CELF2: variants seen among roughly 807,000 people sequenced by gnomAD.
The protein encoded by CELF2 is CUGBP Elav-like family member 2.
In CELF2, 8 loss-of-function variants were observed where a neutral mutation model predicts 62.6. The ratio of observed to expected loss-of-function variants is 0.13; its 90% CI spans 0.07 to 0.23. The LOEUF is 0.23. Among genes scored for constraint, CELF2 ranks in the 10% least tolerant of loss-of-function variants. The probability of loss-of-function intolerance (pLI) is 1.00; values close to 1 mark genes in which losing one functional copy is unlikely to be tolerated. For missense variants in CELF2, 333 were observed against 671.0 expected, an observed-to-expected ratio of 0.50 and a Z score of 5.56; for synonymous variants, 258 against 250.0, an observed-to-expected ratio of 1.03 and a Z score of -0.30.
chr10:10,557,830 CTGTT>C, the CELF2 span, among the ~76,000 whole-genome samples: 1 of 138,396 alleles, frequency 7.2e-6, no homozygotes, highest in African/African-American at 2.6e-5. Flanking sequence ...ATTTGGCTCT[CTGTT>C]TGTCTGTTGT....
chr10:11,293,065 C>T (rs1022036653), intron 9 of CELF2, among the ~76,000 whole-genome samples: 1 of 152,198 alleles, frequency 6.6e-6, no homozygotes, highest in African/African-American at 2.4e-5. Flanking sequence ...CCACCTGGAC[C>T]ACCTCCGCCC....
chr10:11,211,135 T>G lies in CELF2; in HGVS notation c.272-6290T>G, dbSNP rs1335765821. Among the ~76,000 whole-genome samples, 2 of 152,276 alleles carry G rather than the reference T, an allele frequency of 1.3e-5. No individual in the cohort carries two copies. Among genetic ancestry groups the G allele is most frequent in the Middle Eastern group, 3.4e-3 (1 of 294 alleles). ...CTACTAAATAATTTAAAAATTAGCC[T>G]GGTGTAGTGGCACATGCCTGCAGTC... On this transcript the variant is annotated intron_variant, in intron 2 of 12. Transcript: ENST00000633077. The surrounding 1 kb of genome is among the most constrained non-coding windows in gnomAD (Gnocchi z 4.8).
chr10:10,832,666 G>A (rs942340055), intron 1 of CELF2, among the ~76,000 whole-genome samples: 34 of 152,126 alleles, frequency 2.2e-4, no homozygotes, highest in South Asian at 2.1e-4. Context: ...GATTCAGGGC[G>A]GAAATCCCAT....
At chr10:10,522,686 C>T in the CELF2 span, among the ~76,000 whole-genome samples, 7 of 152,314 alleles carry the variant, frequency 4.6e-5, no homozygotes, top group East Asian at 3.9e-4. Context: ...CCTCCTGCCT[C>T]AACCTCCTGA....
intron 3 of CELF2, among the ~76,000 whole-genome samples, chr10:11,218,237 G>A (rs2063837427): frequency 6.6e-6 from 1 of 152,188 alleles, no homozygotes; most frequent in African/African-American, 2.4e-5. Flanking sequence ...AAATATCAGT[G>A]ATGAGTTCAT....
Position 11,318,839 on chromosome 10 carries a change from G to A in CELF2, c.1097-2350G>A. The A allele has an allele frequency of 2.1e-6, 1 of 471,258 alleles. No individual in the cohort carries two copies. The highest frequency in any genetic ancestry group is 4.4e-6 in the Non-Finnish European group (1 of 227,072). The allele number at this position is 471,258 out of a possible 1,614,324, so 29.2% of individuals were successfully genotyped here. A position where few individuals can be genotyped will look rare whatever the true frequency, so the allele number is the denominator to read the frequency against. ...ATGCCACCTGTGTATCTGGCACTCT[G>A]GAGAAGCCGAGTCGTGGAGGCTGCA... On this transcript the variant is annotated intron_variant, in intron 10 of 12. Transcript: ENST00000633077. The surrounding 1 kb of genome is among the most constrained non-coding windows in gnomAD (Gnocchi z 5.4).
intron 1 of CELF2, among the ~76,000 whole-genome samples, chr10:11,148,168 A>G (rs1268645186): frequency 6.6e-6 from 1 of 152,218 alleles, no homozygotes; most frequent in East Asian, 1.9e-4. Flanking sequence ...CTTGTATTAC[A>G]GTTGAGAGAG....
At chr10:10,547,043 G>T in the CELF2 span, among the ~76,000 whole-genome samples, 1 of 152,078 alleles carries the variant, frequency 6.6e-6, no homozygotes, top group Non-Finnish European at 1.5e-5. Context: ...GGAGGCGGAG[G>T]TTGCAGTGAG....
At chr10:10,786,464 C>T in the CELF2 span, among the ~76,000 whole-genome samples, 1 of 139,060 alleles carries the variant, frequency 7.2e-6, no homozygotes. Context: ...TGCGTCACAC[C>T]TTGTGATCCA....
At chr10:10,568,616 A>G in the CELF2 span, among the ~76,000 whole-genome samples, 1 of 152,202 alleles carries the variant, frequency 6.6e-6, no homozygotes, top group South Asian at 2.1e-4. Flanking sequence ...CAATACTGGT[A>G]CCTTTCTTGG....
chr10:11,051,286 CT>C (rs1188853496), intron 1 of CELF2, among the ~76,000 whole-genome samples: 2 of 152,156 alleles, frequency 1.3e-5, no homozygotes, highest in Admixed American at 6.5e-5. Flanking sequence ...TTGAAAACAT[CT>C]TTTACTGCAT....
chr10:10,877,801 T>C (rs2061203186), intron 1 of CELF2, among the ~76,000 whole-genome samples: 1 of 152,226 alleles, frequency 6.6e-6, no homozygotes, highest in African/African-American at 2.4e-5. Context: ...CCTTCTTTGC[T>C]TCCTTTCTTC....
intron 1 of CELF2, among the ~76,000 whole-genome samples, chr10:11,055,523 C>T (rs1183026667): frequency 1.3e-5 from 2 of 152,226 alleles, no homozygotes; most frequent in African/African-American, 2.4e-5. Context: ...AGAATCTTTC[C>T]TCATCCCTGT....
At position 11,165,402 on chromosome 10, in the gene CELF2, C is replaced by A; in HGVS notation, c.75-84C>A. 6.5e-7 allele frequency: 1 copy of A among 1,531,472 alleles called. No homozygotes were observed. The highest frequency in any genetic ancestry group is 8.8e-7 in the Non-Finnish European group (1 of 1,139,098). The allele number at this position is 1,531,472 out of a possible 1,614,324, so 94.9% of individuals were successfully genotyped here. ...GCTCTTCTTCCTCCTCCTTCCGCCTCCCCGCTCCCCCACCCCCACTATTTT... is the reference window on the plus strand; with the variant it reads ...GCTCTTCTTCCTCCTCCTTCCGCCTACCCGCTCCCCCACCCCCACTATTTT... On this transcript the variant is annotated intron_variant, in intron 1 of 12. Transcript: ENST00000633077. This position sits in a 1 kb window ranked among gnomAD's most constrained non-coding sequence, Gnocchi z 7.4.
chr10:11,070,103 A>G (rs1262108019), intron 1 of CELF2, among the ~76,000 whole-genome samples: 4 of 150,630 alleles, frequency 2.7e-5, no homozygotes, highest in African/African-American at 9.9e-5. Context: ...TCTCTAAATC[A>G]TTCTTTAAAT....
At position 10,972,403 on chromosome 10, in the gene CELF2, G is replaced by C. The variant is rs945858410; in HGVS notation, c.89+52404G>C. On this transcript the variant is annotated intron_variant, in intron 2 of 13. Transcript: ENST00000636488. The surrounding 1 kb of genome is among the most constrained non-coding windows in gnomAD (Gnocchi z 4.4). ...TATTTAAAACTAGGAATATCCTCTG[G>C]GTATTCCCTCTGGGAAATGCTGCTC... Among the ~76,000 whole-genome samples, 1 of 152,060 alleles carries C rather than the reference G, an allele frequency of 6.6e-6. No individual in the cohort carries two copies. The highest frequency in any genetic ancestry group is 2.4e-5 in the African/African-American group (1 of 41,390).
chr10:11,121,480 T>C (rs538559528), intron 1 of CELF2, among the ~76,000 whole-genome samples: 1 of 152,316 alleles, frequency 6.6e-6, no homozygotes, highest in African/African-American at 2.4e-5. Context: ...CTTTGGTTTC[T>C]TCTCATCTTC....
At chr10:11,090,688 A>T (rs1291689741) in intron 1 of CELF2, among the ~76,000 whole-genome samples, 1 of 152,260 alleles carries the variant, frequency 6.6e-6, no homozygotes, top group Non-Finnish European at 1.5e-5. Flanking sequence ...AATACTTCAT[A>T]GCCATTTAAG....
chr10:11,190,653 A>T (rs1267025636), intron 2 of CELF2, among the ~76,000 whole-genome samples: 1 of 152,014 alleles, frequency 6.6e-6, no homozygotes, highest in African/African-American at 2.4e-5. Context: ...CTGTACCCTC[A>T]AAGTGCTAAG....
Sources: gnomAD v4.1 joint callset for allele counts (sites outside exome capture counted in the v4.1 genomes callset) on GRCh38, gnomAD v4.1.1 for gene constraint, Gnocchi (gnomAD v3.1) non-coding constraint, MANE v1.5 for transcripts, NCBI Gene and HGNC (gene_info 2026-07-23, HGNC 2026-07-21) for gene names.